Variants in DNAH11 observed in about 807,000 individuals in gnomAD.
DNAH11 encodes axonemal beta dynein heavy chain 11.
Under a neutral mutation model 526.0 loss-of-function variants are expected in DNAH11, and 442 were observed. The ratio of observed to expected loss-of-function variants is 0.84; its 90% CI spans 0.78 to 0.91. The LOEUF (loss-of-function observed/expected upper bound fraction) is 0.91, where lower values mean the gene tolerates loss of function less well. DNAH11 is among the 40% of genes least tolerant of loss of function. The probability of loss-of-function intolerance (pLI) is 0.00; values close to 1 mark genes in which losing one functional copy is unlikely to be tolerated. For synonymous variants in DNAH11, 2,461 were observed against 1,935.9 expected (o/e 1.27, Z -7.12); for missense variants, 6,989 against 5,448.7 (o/e 1.28, Z -8.90).
intron 20 of DNAH11, among the ~76,000 whole-genome samples, chr7:21,609,679 C>G (rs1177046337): frequency 6.6e-6 from 1 of 152,176 alleles, no homozygotes; most frequent in Non-Finnish European, 1.5e-5. Flanking sequence ...TACATATTCA[C>G]AAATGTGTAA....
At position 21,582,011 on chromosome 7, in the gene DNAH11, C is replaced by G. The variant is rs545970834; in HGVS notation, c.1700C>G (p.Ala567Gly). ...TTCTTTAACTGCAATGGCTTAGAAGCTGCATTTAAGGTTAGTTCTGAAGAA... is the reference window on the plus strand; with the variant it reads ...TTCTTTAACTGCAATGGCTTAGAAGGTGCATTTAAGGTTAGTTCTGAAGAA... ...EAFFNCNGLE[A>G]AFKLLTIFGN... The change falls in exon 9 of 82, where the codon GCT becomes GGT. Residue 567 changes from alanine (A) to glycine (G), a missense_variant. Physicochemically the swap from Ala to Gly is moderately conservative, Grantham distance 60. Transcript: ENST00000409508. 4.2e-5 allele frequency: 67 copies of G among 1,607,338 alleles called. No homozygotes were observed. The Admixed American group carries it at 1.1e-3, about 26-fold the overall frequency.
At chr7:21,543,870 C>G in intron 1 of DNAH11, 2 of 487,858 alleles carry the variant, frequency 4.1e-6, no homozygotes, top group South Asian at 3.0e-5. Context: ...AGAACACCAG[C>G]GCTTTCTTTA....
intron 45 of DNAH11, among the ~76,000 whole-genome samples, chr7:21,734,048 C>T (rs1457631195): frequency 6.6e-6 from 1 of 152,130 alleles, no homozygotes; most frequent in Non-Finnish European, 1.5e-5. Context: ...GATTCACACC[C>T]AGGCAGCCTG....
intron 42 of DNAH11, among the ~76,000 whole-genome samples, chr7:21,714,362 T>C (rs1220833919): frequency 6.6e-6 from 1 of 152,206 alleles, no homozygotes; most frequent in Non-Finnish European, 1.5e-5. Context: ...TTTTCCAAAA[T>C]AATGGAAATC....
chr7:21,559,671 T>C lies in DNAH11; in HGVS notation c.761T>C (p.Ile254Thr), dbSNP rs1172188267. 6.2e-7 allele frequency: 1 copy of C among 1,612,104 alleles called. No homozygotes were observed. Among genetic ancestry groups the C allele is most frequent in the Non-Finnish European group, 8.5e-7 (1 of 1,179,112 alleles). Residue 254 changes from isoleucine to threonine, a missense_variant, in exon 4 of 82, where the codon ATC (isoleucine) becomes ACC (threonine). Ile to Thr is a moderately conservative substitution (Grantham distance 89). Transcript: ENST00000409508. ...ESVVIEWSHQIQEIIERDSVQ... is the reference protein window; with the variant it reads ...ESVVIEWSHQTQEIIERDSVQ... ...GTGGTTATTGAATGGTCACATCAAA[T>C]CCAAGAAATTATAGAAAGAGATTCA...
At chr7:21,847,002 A>G (rs1396467971) in intron 66 of DNAH11, among the ~76,000 whole-genome samples, 4 of 152,078 alleles carry the variant, frequency 2.6e-5, no homozygotes, top group Non-Finnish European at 5.9e-5. Flanking sequence ...AGATTCTTTT[A>G]TTATCCTTTA....
At chr7:21,870,102 T>C (rs1783438721) in intron 73 of DNAH11, among the ~76,000 whole-genome samples, 1 of 152,188 alleles carries the variant, frequency 6.6e-6, no homozygotes, top group Non-Finnish European at 1.5e-5. Context: ...TGATTCTCTA[T>C]ATAAAGATGA....
intron 64 of DNAH11, among the ~76,000 whole-genome samples, chr7:21,818,016 A>G (rs1789880262): frequency 6.6e-6 from 1 of 152,298 alleles, no homozygotes; most frequent in Admixed American, 6.5e-5. Context: ...CACTTCGAAA[A>G]TATGACTAAA....
chr7:21,578,029 T>G (rs944285580), intron 8 of DNAH11, among the ~76,000 whole-genome samples: 63 of 152,142 alleles, frequency 4.1e-4, no homozygotes, highest in Admixed American at 4.1e-3. Context: ...CTGGGAGGCC[T>G]CAGGAAACTT....
intron 32 of DNAH11, among the ~76,000 whole-genome samples, chr7:21,685,630 G>A (rs961647040): frequency 1.4e-4 from 21 of 152,140 alleles, no homozygotes; most frequent in Non-Finnish European, 2.5e-4. Flanking sequence ...ATGTGGATGG[G>A]TTCAGAGACT....
chr7:21,767,454 G>T (rs1043573420), intron 55 of DNAH11, among the ~76,000 whole-genome samples: 1 of 152,142 alleles, frequency 6.6e-6, no homozygotes, highest in Non-Finnish European at 1.5e-5. Context: ...GCCGTTGACC[G>T]TTGACATCTG....
chr7:21,642,440 A>G (rs1787172181), intron 28 of DNAH11, among the ~76,000 whole-genome samples: 1 of 152,168 alleles, frequency 6.6e-6, no homozygotes, highest in Non-Finnish European at 1.5e-5. Flanking sequence ...AATTAATGCT[A>G]CAGGCTGTTA....
chr7:21,674,841 A>G (rs1219004520), intron 30 of DNAH11, among the ~76,000 whole-genome samples: 2 of 151,958 alleles, frequency 1.3e-5, no homozygotes, highest in African/African-American at 2.4e-5. Flanking sequence ...CTTGCCTCCC[A>G]ACGTGCCCAA....
At chr7:21,642,469 T>G (rs145148173) in intron 28 of DNAH11, among the ~76,000 whole-genome samples, 1 of 152,240 alleles carries the variant, frequency 6.6e-6, no homozygotes, top group Non-Finnish European at 1.5e-5. Flanking sequence ...AGTGTGATCT[T>G]GCCACACTCT....
At chr7:21,765,835 C>A (rs998977590) in intron 55 of DNAH11, among the ~76,000 whole-genome samples, 21 of 152,198 alleles carry the variant, frequency 1.4e-4, no homozygotes, top group African/African-American at 4.8e-4. Context: ...TGAACACGGG[C>A]ACGCACACAG....
Position 21,894,696 on chromosome 7 carries a change from A to T in DNAH11, c.12824A>T (p.Asn4275Ile), listed in dbSNP as rs771765205. The change falls in exon 78 of 82, where the codon AAT becomes ATT. Residue 4275 changes from asparagine (N) to isoleucine (I), a missense_variant. By Grantham distance (149) the Asn-to-Ile change is moderately radical. Transcript: ENST00000409508. The stretch of plus-strand genomic sequence containing the variant: ...AACATGGCAGAGATAATGCAAAAAA[A>T]TTCAAATAGAAGCCCATATGTTCTT... ...EFNMAEIMQK[N>I]SNRSPYVLVC... 6.2e-7 allele frequency: 1 copy of T among 1,614,010 alleles called. No homozygotes were observed. Among genetic ancestry groups the T allele is most frequent in the South Asian group, 1.1e-5 (1 of 91,046 alleles).
chr7:21,867,293 G>A (rs933232211), intron 71 of DNAH11, among the ~76,000 whole-genome samples: 2 of 152,106 alleles, frequency 1.3e-5, no homozygotes, highest in African/African-American at 4.8e-5. Context: ...ATGTGCCTCA[G>A]GTTTTTTCCT....
chr7:21,887,206 G>A (rs1325809403), intron 76 of DNAH11, among the ~76,000 whole-genome samples: 4 of 152,210 alleles, frequency 2.6e-5, no homozygotes. Flanking sequence ...AATGCTTTCA[G>A]TGATATCTTG....
Position 21,717,797 on chromosome 7 carries a change from A to G in DNAH11, c.7006A>G (p.Arg2336Gly). The change falls in exon 43 of 82, where the codon AGA becomes GGA. Residue 2336 changes from arginine (R) to glycine (G), a missense_variant. Arg to Gly is a moderately radical substitution (Grantham distance 125). Coordinates refer to ENST00000409508, the MANE Select transcript of DNAH11 (RefSeq NM_001277115.2). The part of the protein sequence containing the change: ...WNPYVASWID[R>G]RRHQSEKANL... ...CAGGTATGTGGCCAGTTGGATAGACAGAAGGCGGCATCAATCAGAAAAGGC... is the reference window on the plus strand; with the variant it reads ...CAGGTATGTGGCCAGTTGGATAGACGGAAGGCGGCATCAATCAGAAAAGGC... The G allele has an allele frequency of 6.2e-7, 1 of 1,613,878 alleles. No homozygotes were observed. The highest frequency in any genetic ancestry group is 8.5e-7 in the Non-Finnish European group (1 of 1,179,832).
Sources: gnomAD v4.1 joint callset for allele counts (sites outside exome capture counted in the v4.1 genomes callset) on GRCh38, gnomAD v4.1.1 for gene constraint, MANE v1.5 for transcripts, NCBI Gene and HGNC (gene_info 2026-07-23, HGNC 2026-07-21) for gene names.